Variants in LRIG1 observed in about 807,000 individuals in gnomAD.
LRIG1 encodes the protein leucine-rich repeats and immunoglobulin-like domains protein 1.
Under a neutral mutation model 99.2 loss-of-function variants are expected in LRIG1, and 48 were observed. The observed-to-expected ratio is 0.48, with a 90% confidence interval of 0.38 to 0.62. LRIG1 has a LOEUF of 0.62. Ranked by LOEUF, LRIG1 falls within the 20% of genes least tolerant of loss-of-function variation. LRIG1 has a pLI of 0.00. For missense variants in LRIG1, 1,646 were observed against 1,434.4 expected, an observed-to-expected ratio of 1.15 and a Z score of -2.38; for synonymous variants, 772 against 596.1, an observed-to-expected ratio of 1.29 and a Z score of -4.30.
At chr3:66,427,534 T>C (rs1296849619) in intron 3 of LRIG1, among the ~76,000 whole-genome samples, 1 of 152,228 alleles carries the variant, frequency 6.6e-6, no homozygotes, top group Non-Finnish European at 1.5e-5. Flanking sequence ...GCACAGTGAC[T>C]CTGGCCTGTA....
At chr3:66,443,711 C>G (rs1363688911) in intron 3 of LRIG1, among the ~76,000 whole-genome samples, 1 of 152,190 alleles carries the variant, frequency 6.6e-6, no homozygotes, top group Non-Finnish European at 1.5e-5. Context: ...TAACTCCAGG[C>G]CCATAGGACC....
chr3:66,469,479 A>G (rs1700548475), intron 1 of LRIG1, among the ~76,000 whole-genome samples: 1 of 152,180 alleles, frequency 6.6e-6, no homozygotes, highest in Non-Finnish European at 1.5e-5. Context: ...TATAATAATC[A>G]GTGTGGGCCT....
At position 66,380,335 on chromosome 3, in the gene LRIG1, G is replaced by A. The variant is rs576152489; in HGVS notation, c.3210C>T (p.Pro1070=). Residue 1070 remains proline, a synonymous_variant, in exon 19 of 19, where the codon CCC becomes CCT. Transcript: ENST00000273261. The part of the protein sequence containing the change: ...GHLPKACDAS[P]ESTPLTGQLP... ...GCTGTCCTGTCAGTGGCGTGGACTC[G>A]GGACTGGCGTCACATGCTTTGGGGA... 5.3e-5 allele frequency: 85 copies of A among 1,614,142 alleles called. 1 individual carries two copies. Among genetic ancestry groups the A allele is most frequent in the South Asian group, 4.3e-4 (39 of 91,072 alleles).
At chr3:66,492,620 C>T (rs1047300844) in intron 1 of LRIG1, among the ~76,000 whole-genome samples, 2 of 152,016 alleles carry the variant, frequency 1.3e-5, no homozygotes, top group Non-Finnish European at 2.9e-5. Flanking sequence ...AACTAATCAA[C>T]GCAAAACACT....
intron 2 of LRIG1, among the ~76,000 whole-genome samples, chr3:66,453,045 C>T (rs1343585795): frequency 6.6e-6 from 1 of 152,208 alleles, no homozygotes; most frequent in Non-Finnish European, 1.5e-5. Flanking sequence ...CTCCTCCAAC[C>T]CTGCTGTGAT....
Position 66,383,126 on chromosome 3 carries a change from C to A in LRIG1, c.2347G>T (p.Ala783Ser). The A allele has an allele frequency of 6.2e-7, 1 of 1,614,236 alleles. No individual in the cohort carries two copies. Among genetic ancestry groups the A allele is most frequent in the Non-Finnish European group, 8.5e-7 (1 of 1,180,048 alleles). The change falls in exon 15 of 19, where the codon GCA becomes TCA. Residue 783 changes from alanine (A) to serine (S), a missense_variant. Ala to Ser is a moderately conservative substitution (Grantham distance 99). Coordinates refer to ENST00000273261, the MANE Select transcript of LRIG1 (RefSeq NM_015541.3). Reference sequence around the variant, plus strand: ...GTCCCATCCTTCCTGCAGCCTGCTGCGGGCAGGACGCTCAGCTGGCTGTGA... The same window carrying A: ...GTCCCATCCTTCCTGCAGCCTGCTGAGGGCAGGACGCTCAGCTGGCTGTGA... ...RAHSQLSVLP[A>S]AGCRKDGTTV... is the part of the protein sequence containing the mutation.
chr3:66,413,186 G>C (rs2106681218), intron 5 of LRIG1, among the ~76,000 whole-genome samples, 172 bp from the exon 6 acceptor site: 1 of 152,318 alleles, frequency 6.6e-6, no homozygotes, highest in South Asian at 2.1e-4. Context: ...CTGCCATGCA[G>C]GCACTGATGC....
chr3:66,417,477 A>T (rs1575674799), intron 3 of LRIG1: 4 of 572,840 alleles, frequency 7.0e-6, no homozygotes, highest in Non-Finnish European at 1.2e-5. Context: ...CAAGTTTATC[A>T]AAGTTCTATC....
rs144222680 is a variant in LRIG1 at position 66,380,738 on chromosome 3, G to A, written c.2894C>T (p.Pro965Leu). Residue 965 changes from proline (P) to leucine (L), a missense_variant, in exon 18 of 19, where the codon CCG (proline) becomes CTG (leucine). By Grantham distance (98) the Pro-to-Leu change is moderately conservative. Coordinates refer to ENST00000273261, the MANE Select transcript of LRIG1 (RefSeq NM_015541.3). ...DSAQPSAPNG[P>L]EPGGSDQEHS... is the part of the protein sequence containing the mutation. ...CTCTTGGTCACTCCCACCCGGCTCC[G>A]GGCCATTTGGCGCACTTGGCTGTGC... The A allele has an allele frequency of 5.2e-5, 84 of 1,614,188 alleles. No homozygotes were observed. Among genetic ancestry groups the A allele is most frequent in the African/African-American group, 3.9e-4 (29 of 75,050 alleles).
Position 66,380,750 on chromosome 3 carries a change from G to A in LRIG1, c.2882C>T (p.Ala961Val), listed in dbSNP as rs191578336. The A allele has an allele frequency of 1.4e-5, 22 of 1,614,178 alleles. No individual in the cohort carries two copies. In the East Asian group the frequency reaches 2.7e-4, roughly 20 times the overall value. Residue 961 changes from alanine (A) to valine (V), a missense_variant, in exon 18 of 19, where the codon GCG becomes GTG. Transcript: ENST00000273261. ...PVSRDSAQPS[A>V]PNGPEPGGSD... ...CCCACCCGGCTCCGGGCCATTTGGCGCACTTGGCTGTGCGCTGTCTCTGGA... is the reference window on the plus strand; with the variant it reads ...CCCACCCGGCTCCGGGCCATTTGGCACACTTGGCTGTGCGCTGTCTCTGGA...
intron 4 of LRIG1, among the ~76,000 whole-genome samples, chr3:66,416,879 G>A (rs1305845645): frequency 6.6e-6 from 1 of 152,240 alleles, no homozygotes; most frequent in Non-Finnish European, 1.5e-5. Flanking sequence ...GGAGTGCTGA[G>A]TCCTTCCTGC....
chr3:66,442,632 C>A (rs1006607748), intron 3 of LRIG1, among the ~76,000 whole-genome samples: 2 of 152,138 alleles, frequency 1.3e-5, no homozygotes, highest in African/African-American at 2.4e-5. Context: ...CAGCACTTCC[C>A]CTCCGAGACC....
At position 66,446,942 on chromosome 3, in the gene LRIG1, T is replaced by C. The variant is rs567213703; in HGVS notation, c.365+4617A>G. ...GACTGTTGAAGGAGTATGGGGTTTTTTGGGGGGCGGGGTGGGTTGGGGGGT... is the reference window on the plus strand; with the variant it reads ...GACTGTTGAAGGAGTATGGGGTTTTCTGGGGGGCGGGGTGGGTTGGGGGGT... On this transcript the variant is annotated intron_variant, in intron 3 of 18. Coordinates refer to ENST00000273261, the MANE Select transcript of LRIG1 (RefSeq NM_015541.3). Among the ~76,000 whole-genome samples the C allele has an allele frequency of 1.6e-3, 218 of 137,434 alleles. 4 individuals are homozygous for C. The highest frequency in any genetic ancestry group is 7.6e-4 in the Non-Finnish European group (49 of 64,094). 90.2% of individuals were successfully genotyped at this position (137,434 alleles called of 152,430 possible). A position where few individuals can be genotyped will look rare whatever the true frequency, so the allele number is the denominator to read the frequency against.
intron 1 of LRIG1, among the ~76,000 whole-genome samples, 192 bp from the exon 2 acceptor site, chr3:66,462,701 C>G (rs1700382519): frequency 6.6e-6 from 1 of 151,844 alleles, no homozygotes; most frequent in Non-Finnish European, 1.5e-5. Flanking sequence ...ATAAATAAGG[C>G]ACTCCAAGCA....
At chr3:66,493,870 A>T (rs1701162574) in intron 1 of LRIG1, among the ~76,000 whole-genome samples, 1 of 142,446 alleles carries the variant, frequency 7.0e-6, no homozygotes, top group African/African-American at 2.5e-5. Context: ...AAAGGAAGAA[A>T]GACGAAGGGA....
intron 3 of LRIG1, among the ~76,000 whole-genome samples, chr3:66,439,457 A>G (rs1049522032): frequency 4.6e-5 from 7 of 152,306 alleles, no homozygotes; most frequent in Admixed American, 2.0e-4. Context: ...AACCTTCACA[A>G]AATCCCATTA....
chr3:66,449,984 T>A (rs1391475796), intron 3 of LRIG1, among the ~76,000 whole-genome samples: 1 of 152,244 alleles, frequency 6.6e-6, no homozygotes, highest in Non-Finnish European at 1.5e-5. Flanking sequence ...CCATGACCTG[T>A]GCTTTAAGCA....
At chr3:66,432,926 GT>G (rs1252818419) in intron 3 of LRIG1, among the ~76,000 whole-genome samples, 2 of 152,160 alleles carry the variant, frequency 1.3e-5, no homozygotes, top group Non-Finnish European at 1.5e-5. Context: ...TTCATCCCCA[GT>G]CCTGCCAGGG....
At chr3:66,415,210 A>C (rs1702585203) in intron 4 of LRIG1, 147 bp from the exon 5 acceptor site, 1 of 789,206 alleles carries the variant, frequency 1.3e-6, no homozygotes, top group African/African-American at 1.7e-5. Flanking sequence ...TATCAGCCAC[A>C]GGCTTTGGAT....
Sources: gnomAD v4.1 joint callset for allele counts (sites outside exome capture counted in the v4.1 genomes callset) on GRCh38, gnomAD v4.1.1 for gene constraint, MANE v1.5 for transcripts, NCBI Gene and HGNC (gene_info 2026-07-23, HGNC 2026-07-21) for gene names.